The following RALYL variants were observed in gnomAD, a reference collection of about 807,000 sequenced individuals.
RALYL encodes RALY RNA binding protein like.
In RALYL, 29 loss-of-function variants were observed where a neutral mutation model predicts 35.1. The observed-to-expected ratio is 0.83, with a 90% CI of 0.61 to 1.13. RALYL has a LOEUF of 1.13. Ranked by LOEUF, RALYL falls within the 50% of genes most tolerant of loss-of-function variation. The probability of loss-of-function intolerance (pLI) is 0.00; values close to 1 mark genes in which losing one functional copy is unlikely to be tolerated. For synonymous variants in RALYL, 120 were observed against 127.6 expected (o/e 0.94, Z 0.40); for missense variants, 359 against 360.4 (o/e 1.00, Z 0.03).
chr8:84,317,932 T>A (rs1023244547), intron 1 of RALYL, among the ~76,000 whole-genome samples: 3 of 152,200 alleles, frequency 2.0e-5, no homozygotes, highest in Non-Finnish European at 4.4e-5. Context: ...ATTATTTCAA[T>A]TATTAAGTTT....
rs147968818 is a variant in RALYL, at chr8:84,299,148, G to A, written c.-24+114724G>A. Among the ~76,000 whole-genome samples, 1,130 of 151,810 alleles carry A rather than the reference G, an allele frequency of 7.4e-3. 18 individuals are homozygous for A. Among genetic ancestry groups the A allele is most frequent in the African/African-American group, 0.026 (1,088 of 41,474 alleles). ...TATTGTTGTGATTCTTAAGAGAAGT[G>A]TTTCTAGCTTTTCCTCATTTAGTAT... On this transcript the variant is annotated intron_variant, in intron 1 of 8. Transcript: ENST00000521268.
At chr8:84,799,403 A>G (rs1279247950) in intron 3 of RALYL, among the ~76,000 whole-genome samples, 1 of 152,240 alleles carries the variant, frequency 6.6e-6, no homozygotes, top group African/African-American at 2.4e-5. Context: ...GTTAGTAGAT[A>G]TGGCAACACC....
intron 1 of RALYL, among the ~76,000 whole-genome samples, chr8:84,518,568 T>G (rs2058232606): frequency 6.6e-6 from 1 of 152,242 alleles, no homozygotes; most frequent in Non-Finnish European, 1.5e-5. Flanking sequence ...GCATTTTCAC[T>G]GTATCATTTT....
intron 2 of RALYL, among the ~76,000 whole-genome samples, chr8:84,602,014 G>A (rs764966691): frequency 3.3e-5 from 5 of 151,818 alleles, no homozygotes; most frequent in African/African-American, 7.3e-5. Context: ...TTCTTGTCTC[G>A]TAATTTTCTC....
At chr8:84,826,503 A>C (rs2134310140) in intron 4 of RALYL, among the ~76,000 whole-genome samples, 1 of 152,252 alleles carries the variant, frequency 6.6e-6, no homozygotes, top group South Asian at 2.1e-4. Context: ...AAAAATTTAA[A>C]ATACTAGGGT....
rs539174842 is a variant in RALYL, at chr8:84,323,513, TC to T, written c.-24+139092del. Among the ~76,000 whole-genome samples the T allele has an allele frequency of 1.1e-3, 163 of 152,162 alleles. 2 individuals carry two copies. The highest frequency in any genetic ancestry group is 9.9e-3 in the Admixed American group (152 of 15,280). ...TACTTTCCTTTGATCTCAGTATATG[TC>T]CCTTAACAAACAAAAAATCATTTCA... is the stretch of plus-strand genomic sequence containing the variant. On this transcript the variant is annotated intron_variant, in intron 1 of 8. Transcript: ENST00000521268.
chr8:84,281,793 G>T (rs1213543206), intron 1 of RALYL, among the ~76,000 whole-genome samples: 1 of 151,568 alleles, frequency 6.6e-6, no homozygotes, highest in Non-Finnish European at 1.5e-5. Flanking sequence ...AAGTGTATGT[G>T]TGTGTGTGTA....
intron 1 of RALYL, among the ~76,000 whole-genome samples, chr8:84,367,520 T>C (rs1854728283): frequency 6.6e-6 from 1 of 151,626 alleles, no homozygotes; most frequent in African/African-American, 2.4e-5. Flanking sequence ...TATATGTTGT[T>C]TGATAATTTT....
chr8:84,342,277 A>AATATATATATATATATATATATGTAT (rs57901276), intron 1 of RALYL, among the ~76,000 whole-genome samples: 1 of 66,114 alleles, frequency 1.5e-5, no homozygotes, highest in Non-Finnish European at 2.9e-5. Flanking sequence ...AGCATCGTTC[A>AATATATATATATATATATATATGTAT]ATATATATAT....
intron 1 of RALYL, among the ~76,000 whole-genome samples, chr8:84,361,464 C>T (rs1853014877): frequency 6.6e-6 from 1 of 152,114 alleles, no homozygotes; most frequent in African/African-American, 2.4e-5. Flanking sequence ...GACAACAGAC[C>T]TGAGCATGCT....
intron 1 of RALYL, among the ~76,000 whole-genome samples, chr8:84,301,488 C>T (rs1051040104): frequency 6.6e-6 from 1 of 152,002 alleles, no homozygotes; most frequent in Non-Finnish European, 1.5e-5. Context: ...ATCCAACTTG[C>T]TTGCTTTCTC....
chr8:84,650,328 A>G (rs938268382), intron 2 of RALYL, among the ~76,000 whole-genome samples: 1 of 152,072 alleles, frequency 6.6e-6, no homozygotes, highest in African/African-American at 2.4e-5. Flanking sequence ...CTCATCTGAC[A>G]AAGGGCTAAT....
intron 4 of RALYL, among the ~76,000 whole-genome samples, chr8:84,818,953 A>G (rs1328942532): frequency 6.6e-6 from 1 of 152,168 alleles, no homozygotes; most frequent in Admixed American, 6.5e-5. Context: ...GTTGAAACTA[A>G]GGGAAGGTTA....
At chr8:84,354,260 G>T (rs1851435030) in intron 1 of RALYL, among the ~76,000 whole-genome samples, 1 of 150,152 alleles carries the variant, frequency 6.7e-6, no homozygotes, top group Middle Eastern at 3.2e-3. Context: ...AAATGTATTT[G>T]GCAAATTTGT....
At position 84,295,477 on chromosome 8, in the gene RALYL, T is replaced by C. The variant is rs576795244; in HGVS notation, c.-24+111053T>C. Among the ~76,000 whole-genome samples the C allele has an allele frequency of 2.6e-4, 40 of 152,258 alleles. No individual in the cohort carries two copies. The South Asian group carries it at 6.8e-3, about 26-fold the overall frequency. ...TTTATTTAATTATTTATATTTTCATTTTTATAGAGATGGAGTCTTGCTATG... is the reference window on the plus strand; with the variant it reads ...TTTATTTAATTATTTATATTTTCATCTTTATAGAGATGGAGTCTTGCTATG... On this transcript the variant is annotated intron_variant, in intron 1 of 8. Coordinates refer to ENST00000521268, the MANE Select transcript of RALYL (RefSeq NM_173848.7).
intron 2 of RALYL, among the ~76,000 whole-genome samples, chr8:84,667,873 A>G (rs755514659): frequency 1.3e-5 from 2 of 152,118 alleles, no homozygotes; most frequent in African/African-American, 2.4e-5. Context: ...ACTTACCTGG[A>G]GTTATATAAC....
chr8:84,555,629 G>A (rs1260719688), intron 2 of RALYL, among the ~76,000 whole-genome samples: 1 of 152,082 alleles, frequency 6.6e-6, no homozygotes, highest in African/African-American at 2.4e-5. Context: ...GTTCTGTTTT[G>A]ACATTTTAAT....
At chr8:84,699,027 T>G (rs148026511) in intron 2 of RALYL, among the ~76,000 whole-genome samples, 37 of 145,964 alleles carry the variant, frequency 2.5e-4, no homozygotes, top group African/African-American at 1.0e-3. Flanking sequence ...GATAGATAGA[T>G]AGATAGATAG....
At chr8:84,332,512 G>A (rs1294913071) in intron 1 of RALYL, among the ~76,000 whole-genome samples, 3 of 152,068 alleles carry the variant, frequency 2.0e-5, no homozygotes, top group Non-Finnish European at 2.9e-5. Flanking sequence ...GATTATACAA[G>A]GTTGGATCCT....
Sources: gnomAD v4.1 joint callset for allele counts (sites outside exome capture counted in the v4.1 genomes callset) on GRCh38, gnomAD v4.1.1 for gene constraint, MANE v1.5 for transcripts, NCBI Gene and HGNC (gene_info 2026-07-23, HGNC 2026-07-21) for gene names.